KLHL10: variants seen among roughly 807,000 people sequenced by gnomAD.
The protein encoded by KLHL10 is kelch-like protein 10.
Under a neutral mutation model 46.6 loss-of-function variants are expected in KLHL10, and 11 were observed. That is an observed-to-expected ratio of 0.24 (90% CI 0.15 to 0.39). The LOEUF (loss-of-function observed/expected upper bound fraction) is 0.39, where lower values mean the gene tolerates loss of function less well. Ranked by LOEUF, KLHL10 falls within the 10% of genes least tolerant of loss-of-function variation. KLHL10 has a pLI of 1.00. For synonymous variants in KLHL10, 254 were observed against 279.1 expected, an observed-to-expected ratio of 0.91 and a Z score of 0.90; for missense variants, 475 against 789.8, an observed-to-expected ratio of 0.60 and a Z score of 4.78.
chr17:41,844,483 C>T (rs1175821672), intron 2 of KLHL10, among the ~76,000 whole-genome samples: 2 of 151,336 alleles, frequency 1.3e-5, no homozygotes, highest in African/African-American at 4.9e-5. Flanking sequence ...CTGCCCACCT[C>T]GGCCTCCCAA....
intron 3 of KLHL10, 56 bp from the exon 4 acceptor site, chr17:41,847,205 C>T: frequency 1.3e-6 from 2 of 1,537,146 alleles, no homozygotes; most frequent in Admixed American, 1.7e-5. Context: ...CACACATATC[C>T]TTTCTTTCTA....
At chr17:41,838,806 A>C (rs1307364867) in intron 1 of KLHL10, among the ~76,000 whole-genome samples, 1 of 150,708 alleles carries the variant, frequency 6.6e-6, no homozygotes, top group Non-Finnish European at 1.5e-5. Flanking sequence ...CTCCCACCTC[A>C]GCCTCTCAAG....
intron 4 of KLHL10, among the ~76,000 whole-genome samples, 196 bp from the exon 5 acceptor site, chr17:41,847,737 C>T (rs1555621623): frequency 3.9e-5 from 6 of 152,190 alleles, no homozygotes. Flanking sequence ...GATCTCCTGA[C>T]TTTGTGATCC....
At position 41,837,886 on chromosome 17, in the gene KLHL10, C is replaced by G. The variant is rs575542660; in HGVS notation, c.-47C>G. The G allele has an allele frequency of 8.1e-6, 13 of 1,611,098 alleles. No homozygotes were observed. The African/African-American group carries it at 1.2e-4, about 15-fold the overall frequency. ...GGCTAAAGGGGCCCCCCACAACCCT[C>G]CCCGACACCCTAGGAAAGCAGCCTC... On this transcript the variant is annotated 5_prime_UTR_variant, in exon 1 of 5. Transcript: ENST00000293303.
chr17:41,845,830 C>T lies in KLHL10; in HGVS notation c.1302+87C>T, dbSNP rs565859860. 148 of 1,527,456 alleles carry T rather than the reference C, an allele frequency of 9.7e-5. 1 individual carries two copies. Among genetic ancestry groups the T allele is most frequent in the Admixed American group, 5.7e-4 (33 of 57,636 alleles). 94.6% of individuals were successfully genotyped at this position (1,527,456 alleles called of 1,614,324 possible). ...GCTCTTTTTTGGGGTGGATGGAAGACGCAGTGGCAGTATTCACTTTGGAGT... is the reference window on the plus strand; with the variant it reads ...GCTCTTTTTTGGGGTGGATGGAAGATGCAGTGGCAGTATTCACTTTGGAGT... On this transcript the variant is annotated intron_variant, in intron 3 of 4. Transcript: ENST00000293303.
At chr17:41,843,504 A>C (rs1467098318) in intron 2 of KLHL10, among the ~76,000 whole-genome samples, 2 of 139,950 alleles carry the variant, frequency 1.4e-5, no homozygotes, top group African/African-American at 5.7e-5. Context: ...ACTTGGTCTC[A>C]AATTAACAAA....
chr17:41,835,975 A>C, upstream of KLHL10: 1 of 1,563,344 alleles, frequency 6.4e-7, no homozygotes, highest in Non-Finnish European at 8.7e-7. Flanking sequence ...GAGACCCGAG[A>C]GAACCACTGA....
chr17:41,841,605 G>A (rs913915547), intron 1 of KLHL10, among the ~76,000 whole-genome samples: 49 of 152,136 alleles, frequency 3.2e-4, no homozygotes, highest in Non-Finnish European at 1.9e-4. Flanking sequence ...GAGCCACCAC[G>A]CCTGGCCCAA....
intron 2 of KLHL10, among the ~76,000 whole-genome samples, chr17:41,842,606 A>G (rs1231574570): frequency 6.6e-6 from 1 of 152,166 alleles, no homozygotes; most frequent in African/African-American, 2.4e-5. Flanking sequence ...ACTTGAGCCC[A>G]GAGTTTGCCA....
In KLHL10 at chr17:41,840,350, C is replaced by T. The variant is rs532797046; in HGVS notation, c.195-1473C>T. On this transcript the variant is annotated intron_variant, in intron 1 of 4. Coordinates refer to ENST00000293303, the MANE Select transcript of KLHL10 (RefSeq NM_152467.5). ...TCTTTTGATTTTTTCCCCCAACCAGCGGGGCGCAGTGGCTCACGCCTGGAA... is the reference window on the plus strand; with the variant it reads ...TCTTTTGATTTTTTCCCCCAACCAGTGGGGCGCAGTGGCTCACGCCTGGAA... Among the ~76,000 whole-genome samples the T allele has an allele frequency of 5.9e-5, 9 of 152,140 alleles. No homozygotes were observed. In the South Asian group the frequency reaches 8.3e-4, roughly 14 times the overall value.
chr17:41,842,874 T>C (rs2048241015), intron 2 of KLHL10, among the ~76,000 whole-genome samples: 2 of 150,344 alleles, frequency 1.3e-5, no homozygotes, highest in Non-Finnish European at 3.0e-5. Flanking sequence ...GAGGCGGAGG[T>C]TGCAGTGAGC....
rs782210126 is a variant in KLHL10 at position 41,845,356 on chromosome 17, C to T, written c.915C>T (p.Thr305=). Residue 305 remains threonine, a synonymous_variant, in exon 3 of 5, where the codon ACC becomes ACT. Coordinates refer to ENST00000293303, the MANE Select transcript of KLHL10 (RefSeq NM_152467.5). ...GTGGCTGGAGTGGTGGGAGCCCCAC[C>T]AATGCCATTGAGGCATATGACGCTC... ...AIGGWSGGSP[T]NAIEAYDARA... 7 of 1,614,050 alleles carry T rather than the reference C, an allele frequency of 4.3e-6. No individual in the cohort carries two copies. The highest frequency in any genetic ancestry group is 1.7e-5 in the Admixed American group (1 of 59,998).
upstream of KLHL10, chr17:41,836,501 T>C (rs913496898): frequency 5.5e-5 from 53 of 971,066 alleles, no homozygotes; most frequent in Non-Finnish European, 6.1e-5. Flanking sequence ...CCAAACGTGG[T>C]CATTTCCAGG....
chr17:41,842,083 A>G lies in KLHL10; in HGVS notation c.455A>G (p.Tyr152Cys). Residue 152 changes from tyrosine to cysteine, a missense_variant, in exon 2 of 5, where the codon TAC becomes TGC. Physicochemically the swap from Tyr to Cys is radical, Grantham distance 194 (BLOSUM62 -2). Coordinates refer to ENST00000293303, the MANE Select transcript of KLHL10 (RefSeq NM_152467.5). ...IGICKFTDYY[Y>C]CPELRQKAYM... The stretch of plus-strand genomic sequence containing the variant: ...ATCTGTAAGTTCACGGACTACTACT[A>G]CTGTCCTGAGCTGAGGCAGAAGGCC... The G allele has an allele frequency of 6.2e-7, 1 of 1,614,076 alleles. No individual in the cohort carries two copies. Among genetic ancestry groups the G allele is most frequent in the Non-Finnish European group, 8.5e-7 (1 of 1,180,030 alleles).
At position 41,847,319 on chromosome 17, in the gene KLHL10, A is replaced by G. The variant is rs376438285; in HGVS notation, c.1361A>G (p.Asn454Ser). Reference protein sequence around the residue: ...NECLFTAEVYNTESNQWTVIA... With the variant: ...NECLFTAEVYSTESNQWTVIA... ...TGCCTGTTCACAGCAGAAGTGTATA[A>G]CACTGAAAGTAATCAGTGGACAGTC... The change falls in exon 4 of 5, where the codon AAC (asparagine) becomes AGC (serine). Residue 454 changes from asparagine to serine, a missense_variant. Transcript: ENST00000293303. 5 of 1,613,422 alleles carry G rather than the reference A, an allele frequency of 3.1e-6. No individual in the cohort carries two copies. The African/African-American group carries it at 6.7e-5, about 22-fold the overall frequency.
chr17:41,846,971 G>A (rs555849444), intron 3 of KLHL10, among the ~76,000 whole-genome samples: 12 of 152,084 alleles, frequency 7.9e-5, no homozygotes, highest in Non-Finnish European at 1.5e-4. Flanking sequence ...AAAAATTAGC[G>A]GAGCGTGGCA....
upstream of KLHL10, chr17:41,837,727 G>A: frequency 1.5e-6 from 2 of 1,330,080 alleles, no homozygotes; most frequent in Non-Finnish European, 2.0e-6. Context: ...GAAGGAAGAG[G>A]ACAAGTCCAG....
rs35887307 is a variant in KLHL10, at chr17:41,844,226, ATTTTTTT to A, written c.685-894_685-888del. 2.1e-5 allele frequency among the ~76,000 whole-genome samples: 3 copies of A among 142,580 alleles called. No homozygotes were observed. In the South Asian group the frequency reaches 6.7e-4, roughly 32 times the overall value. The allele number at this position is 142,580 out of a possible 152,430, so 93.5% of individuals were successfully genotyped here. A position where few individuals can be genotyped will look rare whatever the true frequency, so the allele number is the denominator to read the frequency against. ...AGGCACGCGGCACCATGCCTGGCTA[ATTTTTTT>A]TTTTTCTTTTTTTTTGAGTTGGAGT... On this transcript the variant is annotated intron_variant, in intron 2 of 4. Coordinates refer to ENST00000293303, the MANE Select transcript of KLHL10 (RefSeq NM_152467.5).
At chr17:41,836,234 G>GC (rs1262021565), upstream of KLHL10, 146 of 1,143,512 alleles carry the variant, frequency 1.3e-4, no homozygotes, top group Non-Finnish European at 1.4e-4. Context: ...GACAACGACA[G>GC]CCCCGCGACC....
Sources: allele counts gnomAD v4.1 joint callset (sites outside exome capture counted in the v4.1 genomes callset), GRCh38; gene constraint gnomAD v4.1.1; transcripts MANE v1.5; gene names NCBI Gene and HGNC (gene_info 2026-07-23, HGNC 2026-07-21).